Variants in PALS2 observed in about 807,000 individuals in gnomAD.
PALS2 encodes protein PALS2.
Under a neutral mutation model 61.6 loss-of-function variants are expected in PALS2, and 27 were observed. That is an observed-to-expected ratio of 0.44 (90% confidence interval 0.32 to 0.60). The LOEUF (loss-of-function observed/expected upper bound fraction) is 0.60. Ranked by LOEUF, PALS2 falls within the 20% of genes least tolerant of loss-of-function variation. PALS2 has a pLI of 0.05. For missense variants in PALS2, 554 were observed against 639.4 expected (o/e 0.87, Z 1.44); for synonymous variants, 236 against 218.6 (o/e 1.08, Z -0.70).
At chr7:24,587,029 G>A (rs1233036909) in intron 1 of PALS2, among the ~76,000 whole-genome samples, 3 of 144,854 alleles carry the variant, frequency 2.1e-5, no homozygotes, top group Admixed American at 7.0e-5. Flanking sequence ...TTGTTTAAAG[G>A]ATTTTTTTTT....
At chr7:24,590,998 A>C (rs1297828041) in intron 1 of PALS2, among the ~76,000 whole-genome samples, 1 of 151,638 alleles carries the variant, frequency 6.6e-6, no homozygotes, top group Non-Finnish European at 1.5e-5. Flanking sequence ...CAGTTCCTAA[A>C]CTTCTGGTTT....
chr7:24,682,902 T>C (rs1788007858), intron 11 of PALS2, among the ~76,000 whole-genome samples: 1 of 152,194 alleles, frequency 6.6e-6, no homozygotes, highest in Admixed American at 6.5e-5. Flanking sequence ...TCCTGTAAAC[T>C]GATAGGTTGA....
intron 9 of PALS2, among the ~76,000 whole-genome samples, chr7:24,672,196 C>CT (rs1787331557): frequency 6.9e-6 from 1 of 145,084 alleles, no homozygotes; most frequent in South Asian, 2.4e-4. Context: ...CTACTGCCAT[C>CT]TGTTTTGTTT....
chr7:24,635,963 G>C (rs958180273), intron 2 of PALS2, among the ~76,000 whole-genome samples: 5 of 152,028 alleles, frequency 3.3e-5, no homozygotes, highest in Non-Finnish European at 7.4e-5. Flanking sequence ...TATAATCCTA[G>C]CACTTTGGGA....
chr7:24,588,718 T>C (rs1381283501), intron 1 of PALS2, among the ~76,000 whole-genome samples: 2 of 152,212 alleles, frequency 1.3e-5, no homozygotes, highest in Non-Finnish European at 2.9e-5. Context: ...GACTTTATAA[T>C]GGTTTATAGC....
intron 1 of PALS2, among the ~76,000 whole-genome samples, chr7:24,583,309 T>C (rs1420086321): frequency 1.3e-5 from 2 of 152,212 alleles, no homozygotes; most frequent in Non-Finnish European, 2.9e-5. Context: ...TTGGACTATC[T>C]TGTGAGACAA....
intron 9 of PALS2, among the ~76,000 whole-genome samples, chr7:24,675,197 A>G (rs1787500400): frequency 6.6e-6 from 1 of 152,174 alleles, no homozygotes. Flanking sequence ...GAGGTAATAC[A>G]TGTGCATATA....
intron 3 of PALS2, among the ~76,000 whole-genome samples, chr7:24,644,267 C>T (rs1028068024): frequency 6.6e-6 from 1 of 152,022 alleles, no homozygotes; most frequent in African/African-American, 2.4e-5. Context: ...TCACCCTCCC[C>T]ACTCAGGTAG....
intron 1 of PALS2, among the ~76,000 whole-genome samples, chr7:24,598,083 T>C (rs1783587241): frequency 6.6e-6 from 1 of 152,146 alleles, no homozygotes; most frequent in Non-Finnish European, 1.5e-5. Context: ...TATATTGAAA[T>C]GTGTGCAGGC....
intron 9 of PALS2, among the ~76,000 whole-genome samples, chr7:24,678,259 C>G (rs1787728511): frequency 6.6e-6 from 1 of 152,180 alleles, no homozygotes; most frequent in Non-Finnish European, 1.5e-5. Flanking sequence ...TTGTATGTCT[C>G]TGAAAGTATT....
At position 24,617,345 on chromosome 7, in the gene PALS2, A is replaced by G. The variant is rs117841946; in HGVS notation, c.-2-6321A>G. 5.3e-3 allele frequency among the ~76,000 whole-genome samples: 810 copies of G among 152,106 alleles called. 1 individual carries two copies. Among genetic ancestry groups the G allele is most frequent in the Non-Finnish European group, 9.5e-3 (644 of 67,992 alleles). The stretch of plus-strand genomic sequence containing the variant: ...TGTATCTCACTGTTTCCTTACGATT[A>G]TTATTTTGAATTCTCTTTGTGATAT... On this transcript the variant is annotated intron_variant, in intron 1 of 11. Coordinates refer to ENST00000222644, the MANE Select transcript of PALS2 (RefSeq NM_001303037.2).
intron 1 of PALS2, among the ~76,000 whole-genome samples, chr7:24,622,120 G>A (rs1319137933): frequency 2.0e-5 from 3 of 151,824 alleles, no homozygotes; most frequent in African/African-American, 7.3e-5. Flanking sequence ...CAACTTTGTT[G>A]TTCTTTTTGA....
chr7:24,659,398 G>A (rs773776320), intron 5 of PALS2, among the ~76,000 whole-genome samples: 2 of 152,158 alleles, frequency 1.3e-5, no homozygotes, highest in African/African-American at 4.8e-5. Context: ...TGATAGTTCC[G>A]TTTTAAGTTC....
intron 1 of PALS2, among the ~76,000 whole-genome samples, chr7:24,590,574 A>G (rs1180886872): frequency 6.6e-6 from 1 of 152,110 alleles, no homozygotes. Flanking sequence ...CCAATCTGAG[A>G]CAGGCCAACT....
At chr7:24,683,442 G>C (rs553399444) in intron 11 of PALS2, among the ~76,000 whole-genome samples, 2 of 151,624 alleles carry the variant, frequency 1.3e-5, no homozygotes, top group African/African-American at 4.8e-5. Context: ...GCTTTATTCT[G>C]TTGCAGTGAT....
At chr7:24,677,051 T>G (rs905929006) in intron 9 of PALS2, among the ~76,000 whole-genome samples, 1 of 151,796 alleles carries the variant, frequency 6.6e-6, no homozygotes, top group African/African-American at 2.4e-5. Flanking sequence ...TTTTATTTCG[T>G]TGAGCAGTGG....
rs111663095 is a variant in PALS2, at chr7:24,641,701, C to A, written c.118-15C>A. 111 of 1,576,120 alleles carry A rather than the reference C, an allele frequency of 7.0e-5. No homozygotes were observed. The highest frequency in any genetic ancestry group is 8.7e-5 in the Non-Finnish European group (101 of 1,160,468). ...AAATAAGTATTACTACTTTAATATACTCTTATTTTTTCAGGCTCATGAGAG... is the reference window on the plus strand; with the variant it reads ...AAATAAGTATTACTACTTTAATATAATCTTATTTTTTCAGGCTCATGAGAG... On this transcript the variant is annotated splice_polypyrimidine_tract_variant and intron_variant, in intron 2 of 11. Coordinates refer to ENST00000222644, the MANE Select transcript of PALS2 (RefSeq NM_001303037.2).
At position 24,618,694 on chromosome 7, in the gene PALS2, T is replaced by C. The variant is rs1177532522; in HGVS notation, c.-2-4972T>C. Among the ~76,000 whole-genome samples, 2 of 152,120 alleles carry C rather than the reference T, an allele frequency of 1.3e-5. No homozygotes were observed. The highest frequency in any genetic ancestry group is 4.8e-5 in the African/African-American group (2 of 41,448). On this transcript the variant is annotated intron_variant, in intron 1 of 11. Coordinates refer to ENST00000222644, the MANE Select transcript of PALS2 (RefSeq NM_001303037.2). The surrounding 1 kb of genome is among the most constrained non-coding windows in gnomAD (Gnocchi z 5.1). ...CCTTCCTCCCCTACCAAGCCTCCGC[T>C]CCCACAAGGAGAAGTCCCTTCTGAC... is the stretch of plus-strand genomic sequence containing the variant.
chr7:24,626,954 A>C (rs1275463038), intron 2 of PALS2, among the ~76,000 whole-genome samples: 1 of 152,218 alleles, frequency 6.6e-6, no homozygotes, highest in Non-Finnish European at 1.5e-5. Context: ...AATATTAGAC[A>C]GCTCAACAAG....
Sources: gnomAD v4.1 joint callset for allele counts (sites outside exome capture counted in the v4.1 genomes callset) on GRCh38, gnomAD v4.1.1 for gene constraint, Gnocchi (gnomAD v3.1) non-coding constraint, MANE v1.5 for transcripts, NCBI Gene and HGNC (gene_info 2026-07-23, HGNC 2026-07-21) for gene names.